The following MED12L variants were observed in gnomAD, a reference collection of about 807,000 sequenced individuals.
The protein encoded by MED12L is mediator of RNA polymerase II transcription subunit 12-like protein.
In MED12L, 60 loss-of-function variants were observed where a neutral mutation model predicts 281.3. That is an observed-to-expected ratio of 0.21 (90% CI 0.17 to 0.26). The LOEUF is 0.26. Among genes scored for constraint, MED12L ranks in the 10% least tolerant of loss-of-function variants. The probability of loss-of-function intolerance (pLI) is 1.00; values close to 1 mark genes in which losing one functional copy is unlikely to be tolerated. For synonymous variants in MED12L, 974 were observed against 987.2 expected (o/e 0.99, Z 0.25); for missense variants, 2,146 against 2,680.9 (o/e 0.80, Z 4.41).
At chr3:151,139,205 T>C (rs997310594) in intron 5 of MED12L, among the ~76,000 whole-genome samples, 5 of 152,198 alleles carry the variant, frequency 3.3e-5, no homozygotes, top group Non-Finnish European at 7.4e-5. Context: ...TTTGTCTTTC[T>C]AAGTACTTTC....
intron 16 of MED12L, among the ~76,000 whole-genome samples, chr3:151,301,180 G>A (rs66927386): frequency 0.27 from 40,698 of 152,012 alleles, 5,771 homozygotes; most frequent in South Asian, 0.31. Flanking sequence ...TTTAATGTAA[G>A]GCAAAGAGGT....
Position 151,411,508 on chromosome 3 carries a change from GTGAT to G in MED12L, c.6140+2_6140+5del. 1 of 1,613,422 alleles carries G rather than the reference GTGAT, an allele frequency of 6.2e-7. No homozygotes were observed. The highest frequency in any genetic ancestry group is 8.5e-7 in the Non-Finnish European group (1 of 1,179,380). On this transcript the variant is annotated splice_donor_variant and splice_donor_5th_base_variant and intron_variant, in intron 41 of 44. Transcript: ENST00000687756. LOFTEE classifies it high-confidence loss of function. ...TGCAGCCCCTGACTGGCTCTCAGAG[GTGAT>G]ACATGTGGAAATGATGATGGCAATA...
chr3:151,373,034 C>A (rs1756383526), intron 27 of MED12L, among the ~76,000 whole-genome samples: 1 of 152,060 alleles, frequency 6.6e-6, no homozygotes, highest in African/African-American at 2.4e-5. Flanking sequence ...CCTATTTTTT[C>A]TGAATCATTT....
intron 16 of MED12L, among the ~76,000 whole-genome samples, chr3:151,223,862 C>T (rs1273120951): frequency 6.6e-6 from 1 of 152,154 alleles, no homozygotes. Context: ...AAGAACATTG[C>T]CTACTCCTGG....
At chr3:151,296,411 G>T (rs968813604) in intron 16 of MED12L, among the ~76,000 whole-genome samples, 13 of 152,288 alleles carry the variant, frequency 8.5e-5, no homozygotes, top group African/African-American at 2.2e-4. Flanking sequence ...CTGCTGCCAC[G>T]CTTCCCGCGG....
chr3:151,172,182 G>A (rs1299244004), intron 11 of MED12L, among the ~76,000 whole-genome samples: 3 of 152,214 alleles, frequency 2.0e-5, no homozygotes, highest in African/African-American at 4.8e-5. Flanking sequence ...GAAATCAGCA[G>A]TTTAGTGTAT....
intron 5 of MED12L, among the ~76,000 whole-genome samples, chr3:151,141,179 T>TTTTTTTTTTTTTTG (rs1203630968): frequency 2.0e-3 from 230 of 113,872 alleles, no homozygotes; most frequent in East Asian, 4.5e-3. Context: ...TTTTTTTTTG[T>TTTTTTTTTTTTTTG]TTTTTTTGTT....
chr3:151,186,493 C>T (rs186208519), intron 12 of MED12L, among the ~76,000 whole-genome samples: 1 of 152,330 alleles, frequency 6.6e-6, no homozygotes, highest in Admixed American at 6.5e-5. Flanking sequence ...AGGGTCACAG[C>T]TCCATTCACC....
intron 37 of MED12L, among the ~76,000 whole-genome samples, chr3:151,389,055 C>T (rs976068466): frequency 5.9e-5 from 9 of 152,190 alleles, no homozygotes; most frequent in African/African-American, 2.2e-4. Flanking sequence ...GTGATTAATA[C>T]TATTTTAGAA....
In MED12L at chr3:151,367,754, C is replaced by T. The variant is rs765946174; in HGVS notation, c.3436C>T (p.Leu1146Phe). ...CGTGCAGCATGTCGCACTTCCCTCTCTTCTAGCAGCAGGTAAGGCAGCATC... is the reference window on the plus strand; with the variant it reads ...CGTGCAGCATGTCGCACTTCCCTCTTTTCTAGCAGCAGGTAAGGCAGCATC... Reference protein sequence around the residue: ...DVVQHVALPSLLAAACGDADA... With the variant: ...DVVQHVALPSFLAAACGDADA... The change falls in exon 24 of 45, where the codon CTT (leucine) becomes TTT (phenylalanine). Residue 1146 changes from leucine to phenylalanine, a missense_variant. Transcript: ENST00000687756. The T allele has an allele frequency of 6.2e-7, 1 of 1,607,900 alleles. No individual in the cohort carries two copies. The highest frequency in any genetic ancestry group is 8.5e-7 in the Non-Finnish European group (1 of 1,175,958).
chr3:151,256,864 T>G (rs1016703130), intron 16 of MED12L, among the ~76,000 whole-genome samples: 3 of 145,848 alleles, frequency 2.1e-5, no homozygotes, highest in Non-Finnish European at 4.5e-5. Flanking sequence ...TTTTTTGTTG[T>G]TTTTTTTTTT....
Position 151,436,207 on chromosome 3 carries a change from C to T in MED12L, c.*3403C>T, listed in dbSNP as rs988938081. On this transcript the variant is annotated 3_prime_UTR_variant, in exon 45 of 45. Coordinates refer to ENST00000687756, the MANE Select transcript of MED12L (RefSeq NM_001393769.1). Reference sequence around the variant, plus strand: ...CATAAGACAGTTCAGTGCTTATTTTCTGTAGGTTTTAGCAAAAAAATTTAT... The same window carrying T: ...CATAAGACAGTTCAGTGCTTATTTTTTGTAGGTTTTAGCAAAAAAATTTAT... 3.3e-5 allele frequency: 5 copies of T among 153,758 alleles called. No homozygotes were observed. Among genetic ancestry groups the T allele is most frequent in the Non-Finnish European group, 7.2e-5 (5 of 69,106 alleles). The allele number at this position is 153,758 out of a possible 1,614,324, so 9.5% of individuals were successfully genotyped here.
At chr3:151,098,903 C>G (rs990234544) in intron 2 of MED12L, among the ~76,000 whole-genome samples, 6 of 152,136 alleles carry the variant, frequency 3.9e-5, no homozygotes, top group Admixed American at 3.9e-4. Flanking sequence ...ACTCGCAGTT[C>G]CATGTGGCTG....
intron 39 of MED12L, among the ~76,000 whole-genome samples, chr3:151,405,805 C>A (rs896802183): frequency 6.6e-6 from 1 of 152,158 alleles, no homozygotes; most frequent in Admixed American, 6.5e-5. Flanking sequence ...AAGAAGAAAT[C>A]ATTAGAATGA....
chr3:151,190,838 A>C lies in MED12L; in HGVS notation c.1875A>C (p.Gly625=). The C allele has an allele frequency of 6.2e-7, 1 of 1,614,148 alleles. No homozygotes were observed. Among genetic ancestry groups the C allele is most frequent in the South Asian group, 1.1e-5 (1 of 91,076 alleles). ...ACATGTGTACCCTCATATCTCGAGGAGATTTGTCAGTCACTGCCTCAACTC... is the reference window on the plus strand; with the variant it reads ...ACATGTGTACCCTCATATCTCGAGGCGATTTGTCAGTCACTGCCTCAACTC... ...DAYMCTLISR[G]DLSVTASTRP... Residue 625 remains glycine (G), a synonymous_variant, in exon 14 of 45, where the codon GGA becomes GGC. Coordinates refer to ENST00000687756, the MANE Select transcript of MED12L (RefSeq NM_001393769.1).
chr3:151,208,171 A>T (rs1247142026), intron 16 of MED12L, among the ~76,000 whole-genome samples: 1 of 152,222 alleles, frequency 6.6e-6, no homozygotes, highest in African/African-American at 2.4e-5. Context: ...TATGAACTAC[A>T]CTTGGCCATG....
intron 36 of MED12L, among the ~76,000 whole-genome samples, chr3:151,387,291 T>A (rs1175794289): frequency 2.6e-5 from 4 of 152,036 alleles, no homozygotes; most frequent in Non-Finnish European, 5.9e-5. Context: ...AATAATAATA[T>A]TATATTCAGA....
At chr3:151,407,087 C>A (rs1266425054) in intron 39 of MED12L, among the ~76,000 whole-genome samples, 1 of 152,148 alleles carries the variant, frequency 6.6e-6, no homozygotes, top group Non-Finnish European at 1.5e-5. Context: ...AGGCGTGAGC[C>A]ACCGCACCTG....
At chr3:151,269,152 A>G (rs535478333) in intron 16 of MED12L, among the ~76,000 whole-genome samples, 2 of 152,230 alleles carry the variant, frequency 1.3e-5, no homozygotes, top group African/African-American at 4.8e-5. Flanking sequence ...GCTTATGCCT[A>G]TACTCTGGGA....
Sources: allele counts gnomAD v4.1 joint callset (sites outside exome capture counted in the v4.1 genomes callset), GRCh38; gene constraint gnomAD v4.1.1; transcripts MANE v1.5; gene names NCBI Gene and HGNC (gene_info 2026-07-23, HGNC 2026-07-21).